Variants in MATN3 observed in about 807,000 individuals in gnomAD.
MATN3 encodes matrilin-3.
In MATN3, 48 loss-of-function variants were observed where a neutral mutation model predicts 45.3. The ratio of observed to expected loss-of-function variants is 1.06; its 90% confidence interval spans 0.84 to 1.35. The LOEUF (loss-of-function observed/expected upper bound fraction) is 1.35. MATN3 is among the 40% of genes most tolerant of loss of function. The probability of loss-of-function intolerance (pLI) is 0.00; values close to 1 mark genes in which losing one functional copy is unlikely to be tolerated. For synonymous variants in MATN3, 217 were observed against 245.9 expected, an observed-to-expected ratio of 0.88 and a Z score of 1.10; for missense variants, 599 against 628.0, an observed-to-expected ratio of 0.95 and a Z score of 0.49.
chr2:19,999,697 G>A (rs1201501805), intron 5 of MATN3, among the ~76,000 whole-genome samples: 4 of 150,254 alleles, frequency 2.7e-5, no homozygotes, highest in South Asian at 4.2e-4. Flanking sequence ...TCTTGATGAA[G>A]TCTGTATGTC....
At position 19,992,932 on chromosome 2, in the gene MATN3, G is replaced by A. The variant is rs569334737; in HGVS notation, c.*179C>T. The A allele has an allele frequency of 5.7e-5, 34 of 601,232 alleles. 1 individual carries two copies. In the South Asian group the frequency reaches 6.7e-4, roughly 12 times the overall value. 37.2% of individuals were successfully genotyped at this position (601,232 alleles called of 1,614,324 possible). A position where few individuals can be genotyped will look rare whatever the true frequency, so the allele number is the denominator to read the frequency against. ...AAGTATCTGCATATGTATTTCCTTG[G>A]AAGAATCATGCTGATTCTGCAGAAG... On this transcript the variant is annotated 3_prime_UTR_variant, in exon 8 of 8. Coordinates refer to ENST00000407540, the MANE Select transcript of MATN3 (RefSeq NM_002381.5).
chr2:20,003,543 C>T (rs978608607), intron 2 of MATN3, among the ~76,000 whole-genome samples: 4 of 152,178 alleles, frequency 2.6e-5, no homozygotes, highest in African/African-American at 9.7e-5. Context: ...GAGTTTGGAG[C>T]TGAAGCCAAA....
At chr2:19,996,596 A>G (rs576808588) in intron 6 of MATN3, among the ~76,000 whole-genome samples, 10 of 152,346 alleles carry the variant, frequency 6.6e-5, no homozygotes, top group South Asian at 4.1e-4. Flanking sequence ...CAAAGAGCCC[A>G]CTGTGGCTGG....
At position 20,010,064 on chromosome 2, in the gene MATN3, T is replaced by TCCAAAAAAAAAAAAAAAAAAAAA. The variant is rs1247085339; in HGVS notation, c.223+2344_223+2345insTTTTTTTTTTTTTTTTTTTTTGG. Among the ~76,000 whole-genome samples the TCCAAAAAAAAAAAAAAAAAAAAA allele has an allele frequency of 2.2e-3, 24 of 10,770 alleles. 2 individuals carry two copies. The highest frequency in any genetic ancestry group is 2.3e-3 in the Non-Finnish European group (18 of 7,728). 7.1% of individuals were successfully genotyped at this position (10,770 alleles called of 152,430 possible). A position where few individuals can be genotyped will look rare whatever the true frequency, so the allele number is the denominator to read the frequency against. The stretch of plus-strand genomic sequence containing the variant: ...TTGTCTCAGAATAAATCTCTTCAAA[T>TCCAAAAAAAAAAAAAAAAAAAAA]ACTAAAAAAAAAAAAAAAAAAAAAA... On this transcript the variant is annotated intron_variant, in intron 1 of 7. Coordinates refer to ENST00000407540, the MANE Select transcript of MATN3 (RefSeq NM_002381.5).
chr2:20,008,102 A>G (rs1572386986), intron 1 of MATN3, among the ~76,000 whole-genome samples: 1 of 152,302 alleles, frequency 6.6e-6, no homozygotes, highest in East Asian at 1.9e-4. Context: ...AGCTGGGACT[A>G]CAGGTGTGCG....
chr2:19,999,941 G>C (rs1460478228), intron 5 of MATN3, among the ~76,000 whole-genome samples: 4 of 152,212 alleles, frequency 2.6e-5, no homozygotes, highest in African/African-American at 9.6e-5. Flanking sequence ...GAAACTGCCA[G>C]GGAGTGACTG....
Position 20,005,801 on chromosome 2 carries a change from C to T in MATN3, c.733G>A (p.Val245Met), listed in dbSNP as rs182164052. The change falls in exon 2 of 8, where the codon GTG becomes ATG. Residue 245 changes from valine to methionine, a missense_variant. By Grantham distance (21) the Val-to-Met change is conservative (BLOSUM62 1). Transcript: ENST00000407540. Reference sequence around the variant, plus strand: ...TTCTCAATGACCCCATAGGTCTCCACGTAGAAAACATGCTCCTCTAGGGGC... The same window carrying T: ...TTCTCAATGACCCCATAGGTCTCCATGTAGAAAACATGCTCCTCTAGGGGC... ...SEPLEEHVFY[V>M]ETYGVIEKLS... 66 of 1,611,212 alleles carry T rather than the reference C, an allele frequency of 4.1e-5. No homozygotes were observed. The African/African-American group carries it at 4.8e-4, about 12-fold the overall frequency.
chr2:19,993,027 T>C lies in MATN3; in HGVS notation c.*84A>G, dbSNP rs1417654631. 2.8e-5 allele frequency: 29 copies of C among 1,034,892 alleles called. No homozygotes were observed. The highest frequency in any genetic ancestry group is 2.1e-4 in the South Asian group (16 of 76,172). The allele number at this position is 1,034,892 out of a possible 1,614,324, so 64.1% of individuals were successfully genotyped here. A position where few individuals can be genotyped will look rare whatever the true frequency, so the allele number is the denominator to read the frequency against. ...TAATGGCAAATTATTAGCAGGAACA[T>C]TGGCAATAACAGGTGTGCAAAAGAA... is the stretch of plus-strand genomic sequence containing the variant. On this transcript the variant is annotated 3_prime_UTR_variant, in exon 8 of 8. Transcript: ENST00000407540.
chr2:20,001,971 G>T lies in MATN3; in HGVS notation c.1026C>A (p.Asp342Glu), dbSNP rs1310273406. Residue 342 changes from aspartate (D) to glutamate (E), a missense_variant, in exon 4 of 8, where the codon GAC (aspartate) becomes GAA (glutamate). Coordinates refer to ENST00000407540, the MANE Select transcript of MATN3 (RefSeq NM_002381.5). ...CTCACTTACCTGAACAAGTTTTCCT[G>T]TCTTCATTCAAGGTATAACCTTCAT... ...ECYEGYTLNE[D>E]RKTCSAQDKC... 2 of 1,613,106 alleles carry T rather than the reference G, an allele frequency of 1.2e-6. No homozygotes were observed. Among genetic ancestry groups the T allele is most frequent in the Non-Finnish European group, 1.7e-6 (2 of 1,179,514 alleles).
chr2:20,011,479 A>C (rs1673218375), intron 1 of MATN3, among the ~76,000 whole-genome samples: 1 of 152,230 alleles, frequency 6.6e-6, no homozygotes, highest in Non-Finnish European at 1.5e-5. Flanking sequence ...TTCTCAGCTT[A>C]TCCAGAAAGA....
At position 20,006,153 on chromosome 2, in the gene MATN3, A is replaced by G; in HGVS notation, c.381T>C (p.Tyr127=). Residue 127 remains tyrosine (Y), a synonymous_variant, in exon 2 of 8, where the codon TAT becomes TAC. Coordinates refer to ENST00000407540, the MANE Select transcript of MATN3 (RefSeq NM_002381.5). ...GGAACTCGATCTTCACAGTGCTAGC[A>G]TAGTTCACCACTGCCACCCGCGTGT... is the stretch of plus-strand genomic sequence containing the variant. ...PADTRVAVVN[Y]ASTVKIEFQL... The G allele has an allele frequency of 1.2e-6, 2 of 1,614,038 alleles. No homozygotes were observed. Among genetic ancestry groups the G allele is most frequent in the South Asian group, 1.1e-5 (1 of 91,080 alleles).
Position 20,012,588 on chromosome 2 carries a change from A to G in MATN3, c.44T>C (p.Leu15Pro). ...CAGCAGCAGCAGCGGCCAGAGCAGC[A>G]GGAGGAGTCCCGGGAGGCGGCGCGC... ...APARRLPGLL[L>P]LLWPLLLLPS... The change falls in exon 1 of 8, where the codon CTG (leucine) becomes CCG (proline). Residue 15 changes from leucine to proline, a missense_variant. Physicochemically the swap from Leu to Pro is moderately conservative, Grantham distance 98. Coordinates refer to ENST00000407540, the MANE Select transcript of MATN3 (RefSeq NM_002381.5). The surrounding 1 kb of genome is among the most constrained non-coding windows in gnomAD (Gnocchi z 4.3). 1 of 1,224,844 alleles carries G rather than the reference A, an allele frequency of 8.2e-7. No individual in the cohort carries two copies. The allele number at this position is 1,224,844 out of a possible 1,614,324, so 75.9% of individuals were successfully genotyped here.
rs1673238746 is a variant in MATN3, at chr2:20,012,508, G to C, written c.124C>G (p.Arg42Gly). 3.3e-6 allele frequency: 4 copies of C among 1,228,476 alleles called. No homozygotes were observed. The East Asian group carries it at 1.3e-4, about 39-fold the overall frequency. The allele number at this position is 1,228,476 out of a possible 1,614,324, so 76.1% of individuals were successfully genotyped here. A position where few individuals can be genotyped will look rare whatever the true frequency, so the allele number is the denominator to read the frequency against. ...CGTCCAGGGCTGCCCCCGGGACCTC[G>C]GGTCTCCAGCCTCCGGAAGCCCGGG... ...ARPGFRRLET[R>G]GPGGSPGRRP... is the part of the protein sequence containing the mutation. Residue 42 changes from arginine (R) to glycine (G), a missense_variant, in exon 1 of 8, where the codon CGA becomes GGA. Physicochemically the swap from Arg to Gly is moderately radical, Grantham distance 125 (BLOSUM62 -2). Transcript: ENST00000407540. The surrounding 1 kb of genome is among the most constrained non-coding windows in gnomAD (Gnocchi z 4.3).
chr2:20,010,067 TAAAAAA>T (rs57140153), intron 1 of MATN3, among the ~76,000 whole-genome samples: 18 of 68,700 alleles, frequency 2.6e-4, no homozygotes, highest in South Asian at 1.5e-3. Flanking sequence ...CTTCAAATAC[TAAAAAA>T]AAAAAAAAAA....
intron 1 of MATN3, among the ~76,000 whole-genome samples, chr2:20,008,111 C>T (rs532270987): frequency 2.0e-4 from 30 of 152,210 alleles, no homozygotes; most frequent in African/African-American, 7.0e-4. Flanking sequence ...TACAGGTGTG[C>T]GCCACCACAC....
chr2:19,997,099 A>T (rs539596698), intron 6 of MATN3, 35 bp downstream of exon 6: 1 of 1,606,120 alleles, frequency 6.2e-7, no homozygotes, highest in African/African-American at 1.3e-5. Flanking sequence ...AAATTTTCCT[A>T]CCAAAGGAAA....
rs57140153 is a variant in MATN3 at position 20,010,067 on chromosome 2, TA to T, written c.223+2341del. The stretch of plus-strand genomic sequence containing the variant: ...TCTCAGAATAAATCTCTTCAAATAC[TA>T]AAAAAAAAAAAAAAAAAAAAAACCT... On this transcript the variant is annotated intron_variant, in intron 1 of 7. Coordinates refer to ENST00000407540, the MANE Select transcript of MATN3 (RefSeq NM_002381.5). 2.2e-3 allele frequency among the ~76,000 whole-genome samples: 152 copies of T among 68,684 alleles called. 3 individuals carry two copies. Among genetic ancestry groups the T allele is most frequent in the Admixed American group, 4.6e-3 (25 of 5,432 alleles). 45.1% of individuals were successfully genotyped at this position (68,684 alleles called of 152,430 possible).
rs769985424 is a variant in MATN3, at chr2:19,994,315, T to C, written c.1389A>G (p.Gln463=). ...AFQDKVSSYL[Q]RLNTKLDDIL... ...AAAGGATATGTTTAGTGTTCAGTCT[T>C]TGAAGATACGAGCTGACCTTGTCCT... The change falls in exon 7 of 8, where the codon CAA becomes CAG. Residue 463 remains glutamine (Q), a synonymous_variant. Coordinates refer to ENST00000407540, the MANE Select transcript of MATN3 (RefSeq NM_002381.5). The C allele has an allele frequency of 1.9e-6, 3 of 1,612,246 alleles. No homozygotes were observed. The South Asian group carries it at 3.3e-5, about 18-fold the overall frequency.
At chr2:20,002,325 AT>A (rs1223273753) in intron 3 of MATN3, among the ~76,000 whole-genome samples, 1 of 152,176 alleles carries the variant, frequency 6.6e-6, no homozygotes, top group East Asian at 1.9e-4. Flanking sequence ...TATCTATAAA[AT>A]TAAGTTATCT....
Sources: allele counts gnomAD v4.1 joint callset (sites outside exome capture counted in the v4.1 genomes callset), GRCh38; gene constraint gnomAD v4.1.1; non-coding constraint Gnocchi (gnomAD v3.1); transcripts MANE v1.5; gene names NCBI Gene and HGNC (gene_info 2026-07-23, HGNC 2026-07-21).